Variants in DTWD1 observed in about 807,000 individuals in gnomAD.
The protein encoded by DTWD1 is tRNA-uridine aminocarboxypropyltransferase 1.
In DTWD1, 27 loss-of-function variants were observed where a neutral mutation model predicts 30.2. The observed-to-expected ratio is 0.90, with a 90% CI of 0.66 to 1.23. The LOEUF (loss-of-function observed/expected upper bound fraction) is 1.23. Among genes scored for constraint, DTWD1 ranks in the 50% most tolerant of loss-of-function variants. The pLI, the probability that DTWD1 is intolerant of heterozygous loss-of-function variation, is 0.00. For synonymous variants in DTWD1, 99 were observed against 113.1 expected, an observed-to-expected ratio of 0.88 and a Z score of 0.79; for missense variants, 342 against 348.8, an observed-to-expected ratio of 0.98 and a Z score of 0.15.
intron 4 of DTWD1, among the ~76,000 whole-genome samples, chr15:49,636,103 C>T (rs1443197507): frequency 6.6e-6 from 1 of 152,114 alleles, no homozygotes; most frequent in Non-Finnish European, 1.5e-5. Context: ...AGTATGTACT[C>T]TTTTCCTTTT....
Position 49,643,809 on chromosome 15 carries a change from C to T in DTWD1, c.*231C>T. 1 of 367,280 alleles carries T rather than the reference C, an allele frequency of 2.7e-6. No homozygotes were observed. Among genetic ancestry groups the T allele is most frequent in the Non-Finnish European group, 4.8e-6 (1 of 209,310 alleles). 22.8% of individuals were successfully genotyped at this position (367,280 alleles called of 1,614,324 possible). A position where few individuals can be genotyped will look rare whatever the true frequency, so the allele number is the denominator to read the frequency against. On this transcript the variant is annotated 3_prime_UTR_variant, in exon 5 of 5. Coordinates refer to ENST00000403028, the MANE Select transcript of DTWD1 (RefSeq NM_001144955.2). ...TTCAGAAGTTATTTGCTCAGTGAAA[C>T]CTCAGTTTCATTACTACATTTTAAT...
chr15:49,640,564 G>A (rs543056635), intron 4 of DTWD1, among the ~76,000 whole-genome samples: 5 of 152,014 alleles, frequency 3.3e-5, no homozygotes, highest in East Asian at 1.9e-4. Context: ...ATGTATAAGC[G>A]CTCCATTGAT....
At chr15:49,628,568 TG>T (rs2078876068) in intron 2 of DTWD1, among the ~76,000 whole-genome samples, 1 of 152,186 alleles carries the variant, frequency 6.6e-6, no homozygotes, top group Non-Finnish European at 1.5e-5. Flanking sequence ...AAGGCTCTCT[TG>T]GGGAAAGTTG....
At chr15:49,635,183 C>T (rs932099114) in intron 4 of DTWD1, among the ~76,000 whole-genome samples, 1 of 151,980 alleles carries the variant, frequency 6.6e-6, no homozygotes, top group Non-Finnish European at 1.5e-5. Flanking sequence ...TACAGGCGCC[C>T]ACCACCACAC....
chr15:49,643,443 C>G lies in DTWD1; in HGVS notation c.780C>G (p.Asp260Glu). 6.2e-7 allele frequency: 1 copy of G among 1,608,660 alleles called. No individual in the cohort carries two copies. Among genetic ancestry groups the G allele is most frequent in the Non-Finnish European group, 8.5e-7 (1 of 1,177,686 alleles). Residue 260 changes from aspartate to glutamate, a missense_variant, in exon 5 of 5, where the codon GAC becomes GAG. By Grantham distance (45) the Asp-to-Glu change is conservative. Transcript: ENST00000403028. ...AAGCCATTTACTACTTTCTGGTAGA[C>G]TACCATACTGATATATTAAAAGAGA... ...TIEAIYYFLV[D>E]YHTDILKEKY...
chr15:49,638,914 C>G (rs2079033684), intron 4 of DTWD1, among the ~76,000 whole-genome samples: 1 of 152,066 alleles, frequency 6.6e-6, no homozygotes, highest in Admixed American at 6.6e-5. Flanking sequence ...CATAGGAAGC[C>G]TTGGCAGAAT....
In DTWD1 at chr15:49,655,310, T is replaced by C. The variant is rs2079171836; in HGVS notation, c.*11732T>C. ...TTTAGGTAATTAAGTTTTGGGGTGGTTTATTACATAGCAATTGATAACTGA... is the reference window on the plus strand; with the variant it reads ...TTTAGGTAATTAAGTTTTGGGGTGGCTTATTACATAGCAATTGATAACTGA... On this transcript the variant is annotated 3_prime_UTR_variant, in exon 5 of 5. Coordinates refer to ENST00000403028, the MANE Select transcript of DTWD1 (RefSeq NM_001144955.2). 6.6e-6 allele frequency: 1 copy of C among 152,054 alleles called. No homozygotes were observed. Among genetic ancestry groups the C allele is most frequent in the Non-Finnish European group, 1.5e-5 (1 of 67,986 alleles). The allele number at this position is 152,054 out of a possible 1,614,324, so 9.4% of individuals were successfully genotyped here. A position where few individuals can be genotyped will look rare whatever the true frequency, so the allele number is the denominator to read the frequency against.
In DTWD1 at chr15:49,625,122, G is replaced by T; in HGVS notation, c.-46G>T. The T allele has an allele frequency of 6.4e-7, 1 of 1,573,200 alleles. No homozygotes were observed. The highest frequency in any genetic ancestry group is 1.1e-5 in the South Asian group (1 of 87,324). ...TACTTTTTTTTTACAGTGCACCTAT[G>T]ATATGTGTTTTAGAAATAGCCGTTA... On this transcript the variant is annotated 5_prime_UTR_variant, in exon 2 of 5. The change abolishes an upstream ATG in the 5' untranslated region. Transcript: ENST00000403028.
intron 2 of DTWD1, 140 bp downstream of exon 2, chr15:49,625,571 T>A: frequency 1.1e-6 from 1 of 944,660 alleles, no homozygotes; most frequent in Non-Finnish European, 1.5e-6. Flanking sequence ...AAAGAAAAAC[T>A]AGCACTTAGA....
chr15:49,633,049 C>CTATATCTATATATATATATATATATCTA lies in DTWD1; in HGVS notation c.408+752_408+753insCTATATATATATATATATATCTATATAT, dbSNP rs774517463. Among the ~76,000 whole-genome samples, 989 of 117,206 alleles carry CTATATCTATATATATATATATATATCTA rather than the reference C, an allele frequency of 8.4e-3. 14 individuals are homozygous for CTATATCTATATATATATATATATATCTA. The highest frequency in any genetic ancestry group is 0.032 in the African/African-American group (955 of 29,826). 76.9% of individuals were successfully genotyped at this position (117,206 alleles called of 152,430 possible). On this transcript the variant is annotated intron_variant, in intron 3 of 4. Transcript: ENST00000403028. ...TTTACTTTCCTATTTATATCTATAT[C>CTATATCTATATATATATATATATATCTA]TATATATATATATATATATATGTAT...
rs1404333651 is a variant in DTWD1 at position 49,651,720 on chromosome 15, C to T, written c.*8142C>T. The T allele has an allele frequency of 6.6e-6, 1 of 152,136 alleles. No individual in the cohort carries two copies. Among genetic ancestry groups the T allele is most frequent in the Non-Finnish European group, 1.5e-5 (1 of 68,042 alleles). 9.4% of individuals were successfully genotyped at this position (152,136 alleles called of 1,614,324 possible). On this transcript the variant is annotated 3_prime_UTR_variant, in exon 5 of 5. Transcript: ENST00000403028. ...GAGTTTGCTTTTCCTCTTTGCAGAG[C>T]CTCAGTCAGTATCACCATTTGAGTT...
intron 4 of DTWD1, among the ~76,000 whole-genome samples, chr15:49,635,209 A>G (rs887781967): frequency 3.3e-5 from 5 of 151,808 alleles, no homozygotes; most frequent in Non-Finnish European, 7.4e-5. Context: ...TAAATTTTGT[A>G]TTATTAGTAG....
In DTWD1 at chr15:49,643,959, C is replaced by T. The variant is rs150433803; in HGVS notation, c.*381C>T. On this transcript the variant is annotated 3_prime_UTR_variant, in exon 5 of 5. Coordinates refer to ENST00000403028, the MANE Select transcript of DTWD1 (RefSeq NM_001144955.2). Reference sequence around the variant, plus strand: ...CCACCTTTAGAAGTAAATGGGGTTACAATCTGCTGGCTGAAAAATAGGTCA... The same window carrying T: ...CCACCTTTAGAAGTAAATGGGGTTATAATCTGCTGGCTGAAAAATAGGTCA... The T allele has an allele frequency of 3.6e-3, 555 of 154,060 alleles. 4 individuals are homozygous for T. The highest frequency in any genetic ancestry group is 0.013 in the African/African-American group (526 of 41,566). The allele number at this position is 154,060 out of a possible 1,614,324, so 9.5% of individuals were successfully genotyped here. A position where few individuals can be genotyped will look rare whatever the true frequency, so the allele number is the denominator to read the frequency against.
In DTWD1 at chr15:49,625,370, A is replaced by G. The variant is rs765379698; in HGVS notation, c.203A>G (p.Tyr68Cys). Residue 68 changes from tyrosine (Y) to cysteine (C), a missense_variant, in exon 2 of 5, where the codon TAC becomes TGC. Tyr to Cys is a radical substitution (Grantham distance 194). Coordinates refer to ENST00000403028, the MANE Select transcript of DTWD1 (RefSeq NM_001144955.2). ...AAATGTGGTGGTTCCAGAATGTTCT[A>G]CTGCTATACATGTTATGTTCCAGTT... is the stretch of plus-strand genomic sequence containing the variant. ...CLKCGGSRMF[Y>C]CYTCYVPVEN... is the part of the protein sequence containing the mutation. The G allele has an allele frequency of 1.9e-6, 3 of 1,613,776 alleles. No homozygotes were observed. Among genetic ancestry groups the G allele is most frequent in the East Asian group, 2.2e-5 (1 of 44,824 alleles).
chr15:49,632,596 C>T (rs1221495546), intron 3 of DTWD1, among the ~76,000 whole-genome samples: 3 of 152,102 alleles, frequency 2.0e-5, no homozygotes, highest in African/African-American at 7.2e-5. Flanking sequence ...TTCTCCTCTC[C>T]TTCTCCTGTT....
At chr15:49,626,980 A>G (rs1264876774) in intron 2 of DTWD1, 1 of 221,454 alleles carries the variant, frequency 4.5e-6, no homozygotes, top group African/African-American at 2.2e-5. Flanking sequence ...GAATTATTCT[A>G]TTTTACATTT....
At chr15:49,627,856 A>C (rs987587316) in intron 2 of DTWD1, among the ~76,000 whole-genome samples, 4 of 152,180 alleles carry the variant, frequency 2.6e-5, no homozygotes, top group Admixed American at 1.3e-4. Context: ...ACTGTACACT[A>C]CTGTAGTTTT....
At chr15:49,643,302 C>CTT in intron 4 of DTWD1, 29 bp from the exon 5 acceptor site, 1 of 1,199,950 alleles carries the variant, frequency 8.3e-7, no homozygotes, top group Non-Finnish European at 1.1e-6. Flanking sequence ...TTCTTTCTTT[C>CTT]TTTCTTTTTT....
At chr15:49,636,832 T>G (rs763458448) in intron 4 of DTWD1, among the ~76,000 whole-genome samples, 2 of 152,222 alleles carry the variant, frequency 1.3e-5, no homozygotes, top group Non-Finnish European at 2.9e-5. Flanking sequence ...AGGCACATAA[T>G]GCAAATTGTC....
Sources: gnomAD v4.1 joint callset for allele counts (sites outside exome capture counted in the v4.1 genomes callset) on GRCh38, gnomAD v4.1.1 for gene constraint, MANE v1.5 for transcripts, NCBI Gene and HGNC (gene_info 2026-07-23, HGNC 2026-07-21) for gene names.